Variants in IRAG2 observed in about 807,000 individuals in gnomAD.
IRAG2 encodes the protein inositol 1,4,5-triphosphate receptor associated 2, also known as lymphoid restricted membrane protein.
IRAG2 carries 45 observed loss-of-function variants against 69.9 expected under a neutral mutation model. That is an observed-to-expected ratio of 0.64 (90% CI 0.51 to 0.83). The LOEUF (loss-of-function observed/expected upper bound fraction) is 0.83. Ranked by LOEUF, IRAG2 falls within the 40% of genes least tolerant of loss-of-function variation. IRAG2 has a pLI of 0.00. For missense variants in IRAG2, 520 were observed against 587.0 expected, an observed-to-expected ratio of 0.89 and a Z score of 1.18; for synonymous variants, 193 against 202.4, an observed-to-expected ratio of 0.95 and a Z score of 0.40.
intron 9 of IRAG2, among the ~76,000 whole-genome samples, chr12:25,027,491 TTCACGCCATTC>T (rs1944632990): frequency 6.6e-6 from 1 of 151,750 alleles, no homozygotes; most frequent in African/African-American, 2.4e-5. Context: ...GCCTTCCGTG[TTCACGCCATTC>T]TCCTGCCTCA....
chr12:25,069,508 C>T (rs1399804755), intron 6 of IRAG2, 77 bp downstream of exon 6: 6 of 1,298,664 alleles, frequency 4.6e-6, no homozygotes, highest in African/African-American at 3.0e-5. Context: ...ATTCTTTTTC[C>T]CTGTCTTTTT....
intron 3 of IRAG2, among the ~76,000 whole-genome samples, chr12:25,063,203 C>T (rs1184265064): frequency 6.6e-6 from 1 of 152,198 alleles, no homozygotes; most frequent in Non-Finnish European, 1.5e-5. Context: ...GCTGGGATTA[C>T]AGTCATACAC....
rs1948734907 is a variant in IRAG2 at position 25,101,237 on chromosome 12, G to A, written c.801G>A (p.Arg267=). 1.2e-6 allele frequency: 2 copies of A among 1,612,834 alleles called. No individual in the cohort carries two copies. Among genetic ancestry groups the A allele is most frequent in the South Asian group, 1.1e-5 (1 of 90,946 alleles). ...VMIQHVENLK[R]MYAKEHAELE... is the part of the protein sequence containing the mutation. ...TTCAGCACGTAGAAAACTTGAAGAG[G>A]ATGTATGCCAAAGAGCACGCTGAAT... is the stretch of plus-strand genomic sequence containing the variant. The change falls in exon 16 of 22, where the codon AGG becomes AGA. Residue 267 remains arginine, a synonymous_variant. Coordinates refer to ENST00000556887, the MANE Select transcript of IRAG2 (RefSeq NM_001366544.2).
intron 3 of IRAG2, among the ~76,000 whole-genome samples, chr12:25,012,979 A>T (rs79865701): frequency 0.034 from 5,161 of 152,306 alleles, 175 homozygotes; most frequent in African/African-American, 0.091. Flanking sequence ...GAAATAAGTA[A>T]TGTTAGTGTA....
At chr12:25,038,937 T>A (rs1464523068) in intron 16 of IRAG2, among the ~76,000 whole-genome samples, 2 of 152,188 alleles carry the variant, frequency 1.3e-5, no homozygotes, top group Non-Finnish European at 2.9e-5. Flanking sequence ...GTCAGTTAAA[T>A]GGAGTCATAG....
At chr12:25,041,955 CTGTGTGTGTGTGTGTG>C (rs59225610) in intron 16 of IRAG2, among the ~76,000 whole-genome samples, 37,732 of 148,374 alleles carry the variant, frequency 0.25, 5,081 homozygotes, top group South Asian at 0.4. Context: ...TTTGTTTCAG[CTGTGTGTGTGTGTGTG>C]TGTGTGTGTG....
intron 3 of IRAG2, among the ~76,000 whole-genome samples, chr12:25,013,960 C>T (rs1319813603): frequency 6.9e-6 from 1 of 145,780 alleles, no homozygotes; most frequent in Admixed American, 7.0e-5. Context: ...CTGCAAGCTC[C>T]GCCTCCAGGG....
rs191083505 is a variant in IRAG2 at position 25,039,682 on chromosome 12, G to A, written c.2144+1545G>A. On this transcript the variant is annotated intron_variant, in intron 16 of 38. Transcript: ENST00000636465. ...CCTGACCTCGTGATCCGCCCCCCTC[G>A]GCCTCCCAAAGTGCTGGGATTACAG... 4.2e-4 allele frequency among the ~76,000 whole-genome samples: 64 copies of A among 152,154 alleles called. No individual in the cohort carries two copies. In the East Asian group the frequency reaches 0.012, roughly 28 times the overall value.
intron 8 of IRAG2, chr12:25,024,024 A>G (rs1944603730): frequency 7.2e-6 from 4 of 554,786 alleles, no homozygotes; most frequent in African/African-American, 3.9e-5. Flanking sequence ...ATAGCCTCCT[A>G]TAGGCCAGAG....
At chr12:25,016,150 C>G (rs145197807) in intron 5 of IRAG2, among the ~76,000 whole-genome samples, 1 of 150,612 alleles carries the variant, frequency 6.6e-6, no homozygotes, top group African/African-American at 2.4e-5. Flanking sequence ...GAGCTGATAT[C>G]GTGCCATTGT....
chr12:25,000,401 T>C (rs1035310743), upstream of IRAG2, among the ~76,000 whole-genome samples: 2 of 152,092 alleles, frequency 1.3e-5, no homozygotes, highest in Non-Finnish European at 2.9e-5. Flanking sequence ...GAGCCGAGAT[T>C]GTGCCACTGC....
In IRAG2 at chr12:25,079,325, T is replaced by C. The variant is rs375421984; in HGVS notation, c.71+35T>C. 30 of 1,611,452 alleles carry C rather than the reference T, an allele frequency of 1.9e-5. No homozygotes were observed. The South Asian group carries it at 2.1e-4, about 11-fold the overall frequency. On this transcript the variant is annotated intron_variant, in intron 7 of 21. Transcript: ENST00000556887. Reference sequence around the variant, plus strand: ...TTTGTGTTGTGTGTGTGAATTTGTATGCATATTTAGTTGGTTTTAAGAGAA... The same window carrying C: ...TTTGTGTTGTGTGTGTGAATTTGTACGCATATTTAGTTGGTTTTAAGAGAA...
intron 1 of IRAG2, among the ~76,000 whole-genome samples, chr12:25,060,972 A>G (rs1347812099): frequency 6.6e-6 from 1 of 152,020 alleles, no homozygotes; most frequent in Non-Finnish European, 1.5e-5. Flanking sequence ...CAGGCCTAAG[A>G]TGTATTCTTA....
intron 14 of IRAG2, among the ~76,000 whole-genome samples, chr12:25,096,071 T>C (rs903078121): frequency 3.3e-5 from 5 of 152,220 alleles, no homozygotes; most frequent in Admixed American, 3.3e-4. Flanking sequence ...TTGGCATCTC[T>C]TACCTATCAT....
At chr12:25,078,587 T>C (rs12230689) in intron 6 of IRAG2, among the ~76,000 whole-genome samples, 16,106 of 152,202 alleles carry the variant, frequency 0.11, 1,157 homozygotes, top group Admixed American at 0.17. Flanking sequence ...TCTCACTGTA[T>C]TTTTTGAAAA....
chr12:25,081,829 TG>T (rs112644049), intron 9 of IRAG2, among the ~76,000 whole-genome samples: 1 of 152,224 alleles, frequency 6.6e-6, no homozygotes, highest in Non-Finnish European at 1.5e-5. Context: ...TACTGTTTCT[TG>T]GGGGAAAAAA....
intron 14 of IRAG2, chr12:25,035,852 C>T (rs939786401): frequency 1.0e-5 from 4 of 398,314 alleles, no homozygotes; most frequent in African/African-American, 8.2e-5. Context: ...AGATAACTGA[C>T]CTGCAACCTG....
At chr12:25,017,271 A>G in exon 6 of IRAG2, 1 of 1,232,180 alleles carries the variant, frequency 8.1e-7, no homozygotes, top group Non-Finnish European at 1.0e-6. Context: ...GACTGTACCG[A>G]ATTGCGCCTT....
At chr12:25,017,472 C>G (rs1944539933) in intron 6 of IRAG2, among the ~76,000 whole-genome samples, 1 of 152,056 alleles carries the variant, frequency 6.6e-6, no homozygotes, top group South Asian at 2.1e-4. Flanking sequence ...AATCCCAGCA[C>G]TTTGGGAGAC....
Sources: gnomAD v4.1 joint callset for allele counts (sites outside exome capture counted in the v4.1 genomes callset) on GRCh38, gnomAD v4.1.1 for gene constraint, MANE v1.5 for transcripts, NCBI Gene and HGNC (gene_info 2026-07-23, HGNC 2026-07-21) for gene names.